Variants in MTUS2 observed in about 807,000 individuals in gnomAD.
MTUS2 encodes microtubule-associated tumor suppressor candidate 2.
A neutral mutation model predicts 114.1 loss-of-function variants in MTUS2; 40 were observed. The ratio of observed to expected loss-of-function variants is 0.35; its 90% CI spans 0.27 to 0.46. The LOEUF (loss-of-function observed/expected upper bound fraction) is 0.46. Ranked by LOEUF, MTUS2 falls within the 20% of genes least tolerant of loss-of-function variation. The pLI, the probability that MTUS2 is intolerant of heterozygous loss-of-function variation, is 1.00. For synonymous variants in MTUS2, 688 were observed against 672.0 expected, an observed-to-expected ratio of 1.02 and a Z score of -0.37; for missense variants, 1,679 against 1,705.4, an observed-to-expected ratio of 0.98 and a Z score of 0.27.
At chr13:29,314,492 A>G (rs1298210940) in intron 6 of MTUS2, among the ~76,000 whole-genome samples, 1 of 152,222 alleles carries the variant, frequency 6.6e-6, no homozygotes, top group Non-Finnish European at 1.5e-5. Context: ...CTGTATTGCA[A>G]TGATGGGGGA....
chr13:28,953,565 A>T (rs1293440685), intron 2 of MTUS2, among the ~76,000 whole-genome samples: 1 of 152,218 alleles, frequency 6.6e-6, no homozygotes, highest in Non-Finnish European at 1.5e-5. Context: ...AAATATTTTT[A>T]GGCCTTTTAT....
At chr13:28,903,050 T>C (rs1371311902) in intron 2 of MTUS2, among the ~76,000 whole-genome samples, 1 of 152,138 alleles carries the variant, frequency 6.6e-6, no homozygotes, top group African/African-American at 2.4e-5. Context: ...GTTGTGGTAA[T>C]TTGCGGTTTT....
At chr13:29,006,274 A>G (rs1208435383) in intron 2 of MTUS2, among the ~76,000 whole-genome samples, 1 of 152,212 alleles carries the variant, frequency 6.6e-6, no homozygotes, top group East Asian at 1.9e-4. Context: ...GAACACATAA[A>G]AACAAACAGC....
At chr13:28,947,611 A>G (rs1242117877) in intron 2 of MTUS2, among the ~76,000 whole-genome samples, 1 of 152,212 alleles carries the variant, frequency 6.6e-6, no homozygotes, top group Non-Finnish European at 1.5e-5. Context: ...TTAGACCCAA[A>G]GCAGCTTCGT....
At chr13:29,198,253 G>A (rs61365746) in intron 5 of MTUS2, among the ~76,000 whole-genome samples, 3,733 of 152,284 alleles carry the variant, frequency 0.025, 152 homozygotes, top group African/African-American at 0.085. Context: ...TGTATAAGGT[G>A]TAAGGAAGGG....
At chr13:29,427,523 T>C (rs1876639184) in intron 8 of MTUS2, among the ~76,000 whole-genome samples, 1 of 152,252 alleles carries the variant, frequency 6.6e-6, no homozygotes, top group East Asian at 1.9e-4. Flanking sequence ...TTTTGATAGG[T>C]ACAGCCAAGT....
At chr13:28,943,336 T>C (rs965354772) in intron 2 of MTUS2, among the ~76,000 whole-genome samples, 1 of 152,198 alleles carries the variant, frequency 6.6e-6, no homozygotes, top group Non-Finnish European at 1.5e-5. Flanking sequence ...GTGATGGTGA[T>C]ACCAGGAAAA....
At chr13:29,088,263 T>C (rs1889786289) in intron 4 of MTUS2, among the ~76,000 whole-genome samples, 1 of 145,094 alleles carries the variant, frequency 6.9e-6, no homozygotes, top group Non-Finnish European at 1.5e-5. Flanking sequence ...AGTTGTTTAA[T>C]TTTCATGTAA....
At position 29,182,007 on chromosome 13, in the gene MTUS2, C is replaced by G. The variant is rs572087488; in HGVS notation, c.2644+81037C>G. The stretch of plus-strand genomic sequence containing the variant: ...ATAGGATTTACTCCATTTTTCTCAG[C>G]CTCCTTTTGCCCCTGCTTAAATTAG... On this transcript the variant is annotated intron_variant, in intron 5 of 15. Coordinates refer to ENST00000612955, the MANE Select transcript of MTUS2 (RefSeq NM_001033602.4). Among the ~76,000 whole-genome samples the G allele has an allele frequency of 4.6e-5, 7 of 152,244 alleles. No homozygotes were observed. In the South Asian group the frequency reaches 1.5e-3, roughly 32 times the overall value.
rs529619349 is a variant in MTUS2, at chr13:29,360,401, C to T, written c.3117+928C>T. Among the ~76,000 whole-genome samples, 3 of 152,256 alleles carry T rather than the reference C, an allele frequency of 2.0e-5. No homozygotes were observed. The South Asian group carries it at 6.2e-4, about 32-fold the overall frequency. ...TTTGGCCTTTTATGACATCCTTCACCTTCCCCTCTACTCCAGTATAGAAGC... is the reference window on the plus strand; with the variant it reads ...TTTGGCCTTTTATGACATCCTTCACTTTCCCCTCTACTCCAGTATAGAAGC... On this transcript the variant is annotated intron_variant, in intron 8 of 15. Transcript: ENST00000612955.
rs529822162 is a variant in MTUS2 at position 29,309,845 on chromosome 13, A to AAAAC, written c.2807-14767_2807-14766insAACA. 3.3e-4 allele frequency among the ~76,000 whole-genome samples: 51 copies of AAAAC among 152,274 alleles called. No individual in the cohort carries two copies. The East Asian group carries it at 9.1e-3, about 27-fold the overall frequency. ...ATGCCATGTTTTGATACAGGCATAC[A>AAAAC]ATGTGCAATGGTCACATCAGGGTAA... On this transcript the variant is annotated intron_variant, in intron 6 of 15. Transcript: ENST00000612955.
intron 5 of MTUS2, among the ~76,000 whole-genome samples, chr13:29,254,214 T>C (rs748446067): frequency 6.6e-6 from 1 of 152,202 alleles, no homozygotes; most frequent in Non-Finnish European, 1.5e-5. Flanking sequence ...AATATCTTCC[T>C]TCTTAGATGC....
intron 8 of MTUS2, among the ~76,000 whole-genome samples, chr13:29,411,179 G>A (rs559416571): frequency 2.3e-4 from 35 of 152,280 alleles, no homozygotes; most frequent in African/African-American, 7.9e-4. Flanking sequence ...GGTTTTGGGG[G>A]TTTTTGTTTT....
intron 4 of MTUS2, among the ~76,000 whole-genome samples, chr13:29,084,789 C>T (rs927999047): frequency 1.5e-4 from 17 of 113,242 alleles, no homozygotes; most frequent in African/African-American, 3.0e-4. Context: ...CCACCCCCCC[C>T]CCTCACCGTT....
At chr13:29,301,075 C>A (rs1021203794) in intron 6 of MTUS2, among the ~76,000 whole-genome samples, 3 of 152,174 alleles carry the variant, frequency 2.0e-5, no homozygotes, top group African/African-American at 7.2e-5. Flanking sequence ...TGTTGAGAAC[C>A]ACTTTGGGCC....
intron 5 of MTUS2, among the ~76,000 whole-genome samples, chr13:29,190,352 T>G (rs1187257658): frequency 1.3e-5 from 2 of 152,190 alleles, no homozygotes; most frequent in African/African-American, 4.8e-5. Context: ...ACCCTCTGAT[T>G]GAGATGGGAA....
At chr13:29,321,187 A>G (rs1259767725) in intron 6 of MTUS2, among the ~76,000 whole-genome samples, 1 of 151,624 alleles carries the variant, frequency 6.6e-6, no homozygotes, top group Admixed American at 6.6e-5. Context: ...TGTTGAATGG[A>G]TAAGCTCACT....
At chr13:28,920,177 G>A (rs986460871) in intron 2 of MTUS2, among the ~76,000 whole-genome samples, 1 of 152,162 alleles carries the variant, frequency 6.6e-6, no homozygotes, top group Admixed American at 6.5e-5. Context: ...GAGTTAACAT[G>A]TCTGGGCATT....
intron 6 of MTUS2, chr13:29,307,741 A>C: frequency 9.0e-7 from 1 of 1,114,112 alleles, no homozygotes; most frequent in Admixed American, 1.7e-5. Context: ...TGGCTACAGC[A>C]ACAGGGTGAT....
Sources: allele counts gnomAD v4.1 joint callset (sites outside exome capture counted in the v4.1 genomes callset), GRCh38; gene constraint gnomAD v4.1.1; transcripts MANE v1.5; gene names NCBI Gene and HGNC (gene_info 2026-07-23, HGNC 2026-07-21).